CCDC33: variants seen among roughly 807,000 people sequenced by gnomAD.
The protein encoded by CCDC33 is coiled-coil domain-containing protein 33.
CCDC33 carries 94 observed loss-of-function variants against 91.9 expected under a neutral mutation model. The observed-to-expected ratio is 1.02, with a 90% CI of 0.87 to 1.21. CCDC33 has a LOEUF of 1.21. Ranked by LOEUF, CCDC33 falls within the 50% of genes most tolerant of loss-of-function variation. The pLI is 0.00. For synonymous variants in CCDC33, 396 were observed against 374.5 expected, an observed-to-expected ratio of 1.06 and a Z score of -0.66; for missense variants, 940 against 935.5, an observed-to-expected ratio of 1.00 and a Z score of -0.06.
At chr15:74,330,804 C>T (rs1045417802) in intron 13 of CCDC33, 53 bp downstream of exon 13, 10 of 1,548,312 alleles carry the variant, frequency 6.5e-6, no homozygotes, top group South Asian at 3.4e-5. Context: ...GGGGGAGCAT[C>T]GGGGTGAGAA....
At chr15:74,208,800 C>CT in intron 1 of CCDC33, 1 of 988,996 alleles carries the variant, frequency 1.0e-6, no homozygotes, top group Non-Finnish European at 1.2e-6. Flanking sequence ...TCCAGCCTAC[C>CT]TCCAATCAAG....
chr15:74,238,667 C>T (rs2075256763), intron 1 of CCDC33, among the ~76,000 whole-genome samples: 1 of 152,084 alleles, frequency 6.6e-6, no homozygotes, highest in South Asian at 2.1e-4. Flanking sequence ...AAACCTATCC[C>T]TTTTTAATGA....
intron 1 of CCDC33, among the ~76,000 whole-genome samples, chr15:74,206,081 C>T (rs918126792): frequency 1.3e-5 from 2 of 152,206 alleles, no homozygotes; most frequent in Non-Finnish European, 2.9e-5. Context: ...CTCTCAAATC[C>T]GGCCTGGAGA....
chr15:74,277,408 G>A (rs2076476939), intron 7 of CCDC33, among the ~76,000 whole-genome samples: 1 of 152,228 alleles, frequency 6.6e-6, no homozygotes, highest in African/African-American at 2.4e-5. Flanking sequence ...TAAGGCGGTG[G>A]GCGTGGAGGG....
intron 11 of CCDC33, chr15:74,300,469 C>T (rs948898640): frequency 6.6e-6 from 1 of 152,252 alleles, no homozygotes; most frequent in Admixed American, 6.5e-5. Flanking sequence ...AGGGCTGGAG[C>T]AGCAGGCGCC....
chr15:74,238,978 C>T (rs1376348111), intron 1 of CCDC33, among the ~76,000 whole-genome samples: 1 of 152,186 alleles, frequency 6.6e-6, no homozygotes, highest in Admixed American at 6.5e-5. Flanking sequence ...TTCCCCTGGC[C>T]GCCATAACTC....
chr15:74,203,650 A>G (rs544655590), intron 1 of CCDC33, among the ~76,000 whole-genome samples: 1 of 152,322 alleles, frequency 6.6e-6, no homozygotes, highest in South Asian at 2.1e-4. Context: ...AACACACACT[A>G]TGTGCCAGCA....
At chr15:74,208,227 T>C (rs1472213747) in intron 1 of CCDC33, among the ~76,000 whole-genome samples, 2 of 151,576 alleles carry the variant, frequency 1.3e-5, no homozygotes, top group African/African-American at 2.4e-5. Context: ...CCTTCTAGAG[T>C]AGTGAGGCCC....
intron 2 of CCDC33, among the ~76,000 whole-genome samples, chr15:74,249,147 C>T (rs1000936013): frequency 1.3e-5 from 2 of 152,048 alleles, no homozygotes; most frequent in African/African-American, 2.4e-5. Context: ...CAAAATAGCT[C>T]ATTTTGTCTG....
intron 7 of CCDC33, among the ~76,000 whole-genome samples, chr15:74,276,960 G>A (rs1215170068): frequency 6.6e-6 from 1 of 152,130 alleles, no homozygotes. Flanking sequence ...GTGTCTGTCT[G>A]TCTGTCTGTC....
intron 15 of CCDC33, among the ~76,000 whole-genome samples, chr15:74,331,795 C>T (rs1469809391): frequency 3.3e-5 from 5 of 152,228 alleles, no homozygotes; most frequent in Admixed American, 1.3e-4. Context: ...TTTGGGAGGC[C>T]GAGGAGGGCA....
chr15:74,233,471 C>T (rs1280417656), upstream of CCDC33, among the ~76,000 whole-genome samples: 3 of 152,222 alleles, frequency 2.0e-5, no homozygotes, highest in Non-Finnish European at 4.4e-5. Context: ...GCTCTGACCT[C>T]ATATAAGTTA....
intron 2 of CCDC33, 98 bp from the exon 3 acceptor site, chr15:74,262,342 C>T (rs987245252): frequency 7.4e-6 from 11 of 1,493,888 alleles, no homozygotes; most frequent in Non-Finnish European, 1.0e-5. Context: ...ATATTCTGTC[C>T]ACCTTTCACT....
intron 16 of CCDC33, chr15:74,333,104 C>T (rs1181816855): frequency 2.2e-6 from 2 of 889,528 alleles, no homozygotes; most frequent in South Asian, 3.0e-5. Flanking sequence ...TCCCTGAACC[C>T]TGACCCCTTT....
At chr15:74,229,325 T>C (rs1285514416) in intron 2 of CCDC33, among the ~76,000 whole-genome samples, 1 of 151,968 alleles carries the variant, frequency 6.6e-6, no homozygotes, top group Non-Finnish European at 1.5e-5. Flanking sequence ...AAACCCAGTC[T>C]CTACTAAAAA....
At chr15:74,330,564 C>T in intron 12 of CCDC33, 99 bp from the exon 13 acceptor site, 1 of 1,158,538 alleles carries the variant, frequency 8.6e-7, no homozygotes, top group South Asian at 1.3e-5. Context: ...CCGTCCCAAG[C>T]CCTCGGGCCA....
intron 11 of CCDC33, among the ~76,000 whole-genome samples, chr15:74,309,346 C>T (rs1440507859): frequency 4.6e-5 from 7 of 152,230 alleles, no homozygotes; most frequent in African/African-American, 7.2e-5. Flanking sequence ...CCCACCTCCA[C>T]ACCAGGTGCC....
intron 1 of CCDC33, chr15:74,243,654 G>A (rs531931469): frequency 1.9e-5 from 9 of 462,022 alleles, no homozygotes; most frequent in Admixed American, 7.0e-5. Flanking sequence ...GGGAGGTGCC[G>A]CAGCAGAGGA....
intron 9 of CCDC33, 47 bp downstream of exon 9, chr15:74,280,848 CCACCCTGCCT>C (rs748330539): frequency 1.4e-6 from 2 of 1,401,816 alleles, no homozygotes; most frequent in Non-Finnish European, 9.3e-7. Context: ...CCACCTGGCC[CCACCCTGCCT>C]CACCCTGCCC....
Sources: gnomAD v4.1 joint callset for allele counts (sites outside exome capture counted in the v4.1 genomes callset) on GRCh38, gnomAD v4.1.1 for gene constraint, MANE v1.5 for transcripts, NCBI Gene and HGNC (gene_info 2026-07-23, HGNC 2026-07-21) for gene names.